RSPH14: variants seen among roughly 807,000 people sequenced by gnomAD.
RSPH14 encodes radial spoke head 14 homolog.
A neutral mutation model predicts 26.7 loss-of-function variants in RSPH14; 20 were observed. The ratio of observed to expected loss-of-function variants is 0.75; its 90% CI spans 0.53 to 1.09. The LOEUF is 1.09. Ranked by LOEUF, RSPH14 falls within the 50% of genes least tolerant of loss-of-function variation. RSPH14 has a pLI of 0.00. For missense variants in RSPH14, 449 were observed against 457.2 expected (o/e 0.98, Z 0.16); for synonymous variants, 177 against 189.3 (o/e 0.93, Z 0.53).
the RSPH14 span, among the ~76,000 whole-genome samples, chr22:23,173,399 T>C: frequency 3.3e-5 from 5 of 151,926 alleles, no homozygotes; most frequent in Admixed American, 2.6e-4. Flanking sequence ...CTCCCAAAGT[T>C]CTGAGATTAC....
intron 4 of RSPH14, among the ~76,000 whole-genome samples, chr22:23,106,434 G>A (rs890532249): frequency 1.3e-5 from 2 of 151,862 alleles, no homozygotes; most frequent in East Asian, 1.9e-4. Context: ...GTACAGCACC[G>A]TCTCCATCTC....
At chr22:23,162,260 G>A in the RSPH14 span, 3 of 225,874 alleles carry the variant, frequency 1.3e-5, 1 homozygote, top group Non-Finnish European at 2.7e-5. Flanking sequence ...TGCCCTCCTG[G>A]TCCGTGGGCC....
chr22:23,088,755 T>A (rs1212009166), intron 4 of RSPH14, among the ~76,000 whole-genome samples: 3 of 152,064 alleles, frequency 2.0e-5, no homozygotes, highest in Non-Finnish European at 2.9e-5. Context: ...AGGTTCAGGG[T>A]GTGTGGTAGG....
At chr22:23,145,974 C>T, upstream of RSPH14, 2 of 985,364 alleles carry the variant, frequency 2.0e-6, no homozygotes, top group Non-Finnish European at 2.4e-6. Flanking sequence ...GAGCAGGAGA[C>T]CCCTCCCCAC....
the RSPH14 span, among the ~76,000 whole-genome samples, chr22:23,160,145 CTG>C: frequency 6.6e-6 from 1 of 152,170 alleles, no homozygotes; most frequent in Non-Finnish European, 1.5e-5. Context: ...TAGTCGGAGA[CTG>C]GGTGAGCACT....
chr22:23,114,477 G>A (rs568024225), intron 4 of RSPH14, among the ~76,000 whole-genome samples: 1 of 152,068 alleles, frequency 6.6e-6, no homozygotes, highest in East Asian at 1.9e-4. Flanking sequence ...CTTCCCCTCA[G>A]CCCCCAGAGG....
At chr22:23,069,648 G>C (rs894627556) in intron 4 of RSPH14, among the ~76,000 whole-genome samples, 1 of 152,116 alleles carries the variant, frequency 6.6e-6, no homozygotes, top group Non-Finnish European at 1.5e-5. Flanking sequence ...CCCTCCCAAG[G>C]CCACCCTTCC....
intron 4 of RSPH14, among the ~76,000 whole-genome samples, chr22:23,070,180 C>G (rs2068308141): frequency 1.3e-5 from 2 of 151,932 alleles, no homozygotes; most frequent in African/African-American, 4.8e-5. Context: ...CGTCAGCTGC[C>G]TGTGCCCAAT....
At chr22:23,152,599 A>G in the RSPH14 span, 3 of 1,405,750 alleles carry the variant, frequency 2.1e-6, no homozygotes, top group Non-Finnish European at 3.0e-6. Context: ...TGGGTGGCCC[A>G]GATAATATCA....
At chr22:23,096,590 A>G (rs1432501566) in intron 4 of RSPH14, among the ~76,000 whole-genome samples, 1 of 152,188 alleles carries the variant, frequency 6.6e-6, no homozygotes, top group African/African-American at 2.4e-5. Flanking sequence ...CAGAGGGAAC[A>G]GGGTGTGGAG....
At chr22:23,060,469 C>CAAAAAAAAAAA (rs35204459) in intron 6 of RSPH14, among the ~76,000 whole-genome samples, 1 of 120,510 alleles carries the variant, frequency 8.3e-6, no homozygotes. Flanking sequence ...GACTCCATCT[C>CAAAAAAAAAAA]AAAAAAAAAA....
intron 4 of RSPH14, among the ~76,000 whole-genome samples, chr22:23,126,141 C>G (rs1047830915): frequency 2.6e-5 from 4 of 152,180 alleles, no homozygotes; most frequent in Non-Finnish European, 5.9e-5. Context: ...GTGAAAAGAG[C>G]AGTAATTTCG....
intron 4 of RSPH14, among the ~76,000 whole-genome samples, chr22:23,089,673 G>T (rs1187511249): frequency 6.6e-6 from 1 of 152,196 alleles, no homozygotes. Context: ...GGCCGGGCCT[G>T]CTGGACGGTG....
At chr22:23,162,997 T>G in the RSPH14 span, 1 of 308,176 alleles carries the variant, frequency 3.2e-6, no homozygotes, top group South Asian at 2.8e-5. Flanking sequence ...GTGCAACCTC[T>G]GCCTCCCAGG....
chr22:23,073,951 T>C (rs758840936), intron 4 of RSPH14, among the ~76,000 whole-genome samples: 1 of 150,812 alleles, frequency 6.6e-6, no homozygotes, highest in Non-Finnish European at 1.5e-5. Context: ...ACTGACACAG[T>C]GCCATGCAGA....
chr22:23,124,367 AGTT>A (rs756343392), intron 4 of RSPH14: 1 of 461,892 alleles, frequency 2.2e-6, no homozygotes, highest in South Asian at 1.6e-5. Context: ...TGAGTGTAAA[AGTT>A]GTTATCTGGA....
upstream of RSPH14, among the ~76,000 whole-genome samples, chr22:23,148,813 T>C (rs4822363): frequency 0.86 from 130,618 of 152,206 alleles, 56,571 homozygotes; most frequent in East Asian, 1. Flanking sequence ...AGCCAGTCCC[T>C]AGCTTAAAGC....
intron 4 of RSPH14, among the ~76,000 whole-genome samples, chr22:23,067,533 TCCTGG>T (rs1419697333): frequency 6.6e-6 from 1 of 152,224 alleles, no homozygotes; most frequent in Admixed American, 6.5e-5. Flanking sequence ...TGCCCTGAAC[TCCTGG>T]CCCACTGGGC....
chr22:23,126,520 A>G (rs1448434131), intron 4 of RSPH14, among the ~76,000 whole-genome samples: 1 of 152,218 alleles, frequency 6.6e-6, no homozygotes, highest in Non-Finnish European at 1.5e-5. Flanking sequence ...TCAGGGCTCC[A>G]GGGTCGAGTG....
Sources: allele counts gnomAD v4.1 joint callset (sites outside exome capture counted in the v4.1 genomes callset), GRCh38; gene constraint gnomAD v4.1.1; transcripts MANE v1.5; gene names NCBI Gene and HGNC (gene_info 2026-07-23, HGNC 2026-07-21).